PCDH11X: variants seen among roughly 807,000 people sequenced by gnomAD.
PCDH11X encodes the protein protocadherin-11 X-linked.
PCDH11X carries 18 observed loss-of-function variants against 53.3 expected under a neutral mutation model. That is an observed-to-expected ratio of 0.34 (90% CI 0.23 to 0.50). The LOEUF (loss-of-function observed/expected upper bound fraction) is 0.50. Ranked by LOEUF, PCDH11X falls within the 20% of genes least tolerant of loss-of-function variation. The pLI is 0.98. For synonymous variants in PCDH11X, 279 were observed against 393.3 expected, an observed-to-expected ratio of 0.71 and a Z score of 3.44; for missense variants, 570 against 1,032.4, an observed-to-expected ratio of 0.55 and a Z score of 6.14.
At chrX:92,517,019 G>A (rs190839326) in intron 10 of PCDH11X, among the ~76,000 whole-genome samples, 6 of 112,246 alleles carry the variant, frequency 5.3e-5, no homozygotes, top group African/African-American at 1.9e-4. Context: ...TTGTGAGAAC[G>A]TAAGCCTGGA....
In PCDH11X at chrX:92,520,834, G is replaced by A. The variant is rs200062318; in HGVS notation, c.3367+52512G>A. Among the ~76,000 whole-genome samples the A allele has an allele frequency of 2.5e-4, 28 of 111,159 alleles. No individual in the cohort carries two copies. In the East Asian group the frequency reaches 5.4e-3, roughly 21 times the overall value. Reference sequence around the variant, plus strand: ...TATTTTTATTTCAACAATGTCCTCAGGATCTTCACCAGTAGTAGTTTCTAT... The same window carrying A: ...TATTTTTATTTCAACAATGTCCTCAAGATCTTCACCAGTAGTAGTTTCTAT... On this transcript the variant is annotated intron_variant, in intron 10 of 10. Transcript: ENST00000682573.
intron 8 of PCDH11X, among the ~76,000 whole-genome samples, chrX:92,303,896 A>G (rs1194678531): frequency 1.2e-4 from 13 of 110,395 alleles, no homozygotes; most frequent in Admixed American, 1.9e-4. Context: ...CAGTTCTTAA[A>G]TGAGTTCAGA....
At chrX:92,416,009 C>A (rs2071802429) in intron 9 of PCDH11X, among the ~76,000 whole-genome samples, 1 of 111,296 alleles carries the variant, frequency 9.0e-6, no homozygotes, top group African/African-American at 3.3e-5. Flanking sequence ...TGAGAGTGAA[C>A]ACTTTTTATT....
chrX:92,540,307 A>G (rs1014844751), intron 10 of PCDH11X, among the ~76,000 whole-genome samples: 1 of 108,973 alleles, frequency 9.2e-6, no homozygotes, highest in African/African-American at 3.4e-5. Context: ...TCCTCTTTCC[A>G]CAGGCAGAGG....
At chrX:92,480,605 A>G (rs1449183412) in intron 10 of PCDH11X, among the ~76,000 whole-genome samples, 2 of 110,077 alleles carry the variant, frequency 1.8e-5, no homozygotes, top group Admixed American at 1.9e-4. Flanking sequence ...TTTCTGGAAG[A>G]ATTTGGGGGG....
At chrX:91,911,491 A>G (rs903839819) in intron 6 of PCDH11X, among the ~76,000 whole-genome samples, 2 of 107,207 alleles carry the variant, frequency 1.9e-5, no homozygotes, top group African/African-American at 6.8e-5. Flanking sequence ...GGTTATTTTA[A>G]CCTGTATAAT....
At chrX:92,102,657 G>A (rs1234213585) in intron 6 of PCDH11X, among the ~76,000 whole-genome samples, 2 of 111,655 alleles carry the variant, frequency 1.8e-5, no homozygotes, top group African/African-American at 6.5e-5. Context: ...ATCGGTGTCA[G>A]GGTCAATCCA....
chrX:92,287,422 G>A (rs1250681627), intron 8 of PCDH11X, among the ~76,000 whole-genome samples: 1 of 111,241 alleles, frequency 9.0e-6, no homozygotes, highest in Non-Finnish European at 1.9e-5. Context: ...CCACTTGTGA[G>A]TGAGAACATG....
rs776554663 is a variant in PCDH11X, at chrX:91,878,589, T to G, written c.2349T>G (p.Asn783Lys). The change falls in exon 6 of 11, where the codon AAT becomes AAG. Residue 783 changes from asparagine (N) to lysine (K), a missense_variant. Physicochemically the swap from Asn to Lys is moderately conservative, Grantham distance 94. Coordinates refer to ENST00000682573, the MANE Select transcript of PCDH11X (RefSeq NM_032968.5). ...NESVTNATLINELVRKSTEAP... is the reference protein window; with the variant it reads ...NESVTNATLIKELVRKSTEAP... ...CGGTGACCAATGCTACACTGATTAA[T>G]GAACTGGTGCGCAAAAGCACTGAAG... The G allele has an allele frequency of 8.3e-7, 1 of 1,211,653 alleles. No homozygotes were observed. The highest frequency in any genetic ancestry group is 1.1e-6 in the Non-Finnish European group (1 of 895,464).
At chrX:91,875,990 T>TA (rs1317400852) in intron 5 of PCDH11X, among the ~76,000 whole-genome samples, 7 of 111,765 alleles carry the variant, frequency 6.3e-5, no homozygotes, top group Non-Finnish European at 9.4e-5. Context: ...AAATCTACAG[T>TA]AAAAAATATT....
chrX:92,581,129 G>GA (rs34986918), intron 10 of PCDH11X, among the ~76,000 whole-genome samples: 1 of 111,655 alleles, frequency 9.0e-6, no homozygotes, highest in Admixed American at 9.5e-5. Flanking sequence ...AATAAATAGA[G>GA]AAAAAAATCT....
intron 7 of PCDH11X, among the ~76,000 whole-genome samples, chrX:92,225,582 A>T (rs1286955646): frequency 9.0e-6 from 1 of 111,495 alleles, no homozygotes; most frequent in Non-Finnish European, 1.9e-5. Flanking sequence ...TTTGACTGGG[A>T]GTGGAGATCA....
At chrX:92,192,715 C>T (rs888574875) in intron 6 of PCDH11X, among the ~76,000 whole-genome samples, 5 of 109,714 alleles carry the variant, frequency 4.6e-5, no homozygotes, top group Non-Finnish European at 3.8e-5. Flanking sequence ...AGAGTAGACC[C>T]GGGTTATACA....
intron 10 of PCDH11X, among the ~76,000 whole-genome samples, chrX:92,516,575 GA>G (rs397895385): frequency 1.1e-4 from 12 of 111,866 alleles, no homozygotes; most frequent in African/African-American, 2.3e-4. Flanking sequence ...TCCCAAGGGG[GA>G]AAAAAGATTA....
chrX:91,817,572 C>A (rs1462076356), intron 4 of PCDH11X, among the ~76,000 whole-genome samples: 1 of 111,268 alleles, frequency 9.0e-6, no homozygotes, highest in Non-Finnish European at 1.9e-5. Flanking sequence ...ATTCTAAAAT[C>A]TGTGCTGTCC....
intron 6 of PCDH11X, among the ~76,000 whole-genome samples, chrX:92,138,397 C>T (rs368345400): frequency 4.6e-5 from 5 of 109,597 alleles, no homozygotes; most frequent in South Asian, 3.9e-4. Flanking sequence ...AATCTATTTT[C>T]GTTATTATTT....
chrX:92,166,241 CTT>C (rs1227843023), intron 6 of PCDH11X, among the ~76,000 whole-genome samples: 2 of 104,534 alleles, frequency 1.9e-5, no homozygotes, highest in African/African-American at 6.9e-5. Context: ...AAAATATACT[CTT>C]TACATCTGTT....
At chrX:92,452,264 T>C (rs113595046) in intron 9 of PCDH11X, among the ~76,000 whole-genome samples, 14,304 of 96,867 alleles carry the variant, frequency 0.15, 1,265 homozygotes, top group African/African-American at 0.18. Flanking sequence ...AAGCAAGTAA[T>C]TACTCATTTC....
intron 5 of PCDH11X, among the ~76,000 whole-genome samples, chrX:91,843,434 C>T (rs772495745): frequency 1.9e-5 from 2 of 105,503 alleles, no homozygotes; most frequent in East Asian, 6.0e-4. Context: ...CTTAGCCTCC[C>T]GAGTAGCTGG....
Sources: allele counts gnomAD v4.1 joint callset (sites outside exome capture counted in the v4.1 genomes callset), GRCh38; gene constraint gnomAD v4.1.1; transcripts MANE v1.5; gene names NCBI Gene and HGNC (gene_info 2026-07-23, HGNC 2026-07-21).